PHF21A: variants seen among roughly 807,000 people sequenced by gnomAD.
The protein encoded by PHF21A is BHC80a.
PHF21A carries 11 observed loss-of-function variants against 82.5 expected under a neutral mutation model. The observed-to-expected ratio is 0.13, with a 90% CI of 0.08 to 0.22. PHF21A has a LOEUF of 0.22. Ranked by LOEUF, PHF21A falls within the 10% of genes least tolerant of loss-of-function variation. The pLI is 1.00. For missense variants in PHF21A, 579 were observed against 837.8 expected (o/e 0.69, Z 3.81); for synonymous variants, 297 against 302.8 (o/e 0.98, Z 0.20).
chr11:46,055,304 T>G (rs1341869834), intron 6 of PHF21A, among the ~76,000 whole-genome samples: 1 of 152,178 alleles, frequency 6.6e-6, no homozygotes, highest in African/African-American at 2.4e-5. Context: ...CTTGGTTTTT[T>G]AAAACTCATT....
chr11:46,021,061 TAA>T (rs757651374), intron 6 of PHF21A, among the ~76,000 whole-genome samples: 5 of 138,390 alleles, frequency 3.6e-5, no homozygotes, highest in African/African-American at 5.5e-5. Flanking sequence ...ATAGATTCTT[TAA>T]AAAAAAAAAA....
In PHF21A at chr11:45,932,431, G is replaced by C. The variant is rs1281910742; in HGVS notation, c.*1537C>G. The C allele has an allele frequency of 6.6e-6, 1 of 152,238 alleles. No individual in the cohort carries two copies. The highest frequency in any genetic ancestry group is 6.5e-5 in the Admixed American group (1 of 15,280). The allele number at this position is 152,238 out of a possible 1,614,324, so 9.4% of individuals were successfully genotyped here. On this transcript the variant is annotated 3_prime_UTR_variant, in exon 19 of 19. Transcript: ENST00000676320. This position sits in a 1 kb window ranked among gnomAD's most constrained non-coding sequence, Gnocchi z 4.3. Reference sequence around the variant, plus strand: ...AGAAGAGAGCACGGTCTTTTCTGAGGAGAGAGAAGGGTGGGGAGCTCCGCC... The same window carrying C: ...AGAAGAGAGCACGGTCTTTTCTGAGCAGAGAGAAGGGTGGGGAGCTCCGCC...
At chr11:45,955,995 A>G (rs1013384553) in intron 10 of PHF21A, among the ~76,000 whole-genome samples, 2 of 152,256 alleles carry the variant, frequency 1.3e-5, no homozygotes, top group African/African-American at 2.4e-5. Flanking sequence ...TAAGTTGCAG[A>G]CCAGAAGGAA....
chr11:45,947,019 C>A (rs1023653855), intron 14 of PHF21A, among the ~76,000 whole-genome samples: 2 of 152,234 alleles, frequency 1.3e-5, no homozygotes, highest in Non-Finnish European at 2.9e-5. Context: ...CTGTCTCCCC[C>A]ACTTTACATG....
At chr11:46,073,285 G>A (rs1256122907) in intron 6 of PHF21A, among the ~76,000 whole-genome samples, 2 of 150,158 alleles carry the variant, frequency 1.3e-5, no homozygotes, top group Non-Finnish European at 3.0e-5. Context: ...CCAAGACAGC[G>A]CCACTGCACT....
At chr11:45,971,859 G>T (rs1255342269) in intron 7 of PHF21A, among the ~76,000 whole-genome samples, 1 of 72,256 alleles carries the variant, frequency 1.4e-5, no homozygotes, top group Non-Finnish European at 3.2e-5. Flanking sequence ...AGACACAAAG[G>T]CTGGGGTAAA....
chr11:46,025,522 G>T (rs1342841650), intron 6 of PHF21A, among the ~76,000 whole-genome samples: 2 of 152,076 alleles, frequency 1.3e-5, no homozygotes, highest in African/African-American at 4.8e-5. Context: ...GACTACAAAA[G>T]AAAAATTCCT....
intron 6 of PHF21A, among the ~76,000 whole-genome samples, chr11:46,032,158 C>G (rs943254867): frequency 9.2e-5 from 14 of 152,158 alleles, no homozygotes; most frequent in African/African-American, 2.4e-5. Flanking sequence ...TAGTTAGGAT[C>G]ACCCTGCTAC....
At chr11:45,940,668 C>T (rs531524195) in intron 15 of PHF21A, among the ~76,000 whole-genome samples, 2 of 48,368 alleles carry the variant, frequency 4.1e-5, no homozygotes, top group African/African-American at 1.2e-4. Context: ...TAAAATCAGG[C>T]TGAGGGCTAC....
At chr11:46,056,736 T>C (rs927249844) in intron 6 of PHF21A, among the ~76,000 whole-genome samples, 1 of 152,144 alleles carries the variant, frequency 6.6e-6, no homozygotes, top group African/African-American at 2.4e-5. Context: ...TTATTTCACA[T>C]TTGCTGCTGC....
rs1047638330 is a variant in PHF21A, at chr11:45,931,896, G to A, written c.*2072C>T. On this transcript the variant is annotated 3_prime_UTR_variant, in exon 19 of 19. Transcript: ENST00000676320. ...CTTTCACAACCCTGGTTTTCTCAAG[G>A]AGAGGCCACAACCGGCCAAGCCGAG... 1 of 152,276 alleles carries A rather than the reference G, an allele frequency of 6.6e-6. No homozygotes were observed. Among genetic ancestry groups the A allele is most frequent in the Non-Finnish European group, 1.5e-5 (1 of 68,080 alleles). 9.4% of individuals were successfully genotyped at this position (152,276 alleles called of 1,614,324 possible).
At chr11:45,935,219 G>A (rs776435846) in intron 18 of PHF21A, 26 of 1,292,908 alleles carry the variant, frequency 2.0e-5, no homozygotes, top group South Asian at 4.9e-5. Flanking sequence ...AGGGAGGGCC[G>A]TACGGATGGG....
rs145926527 is a variant in PHF21A at position 46,099,208 on chromosome 11, CT to C, written c.-236-6986del. On this transcript the variant is annotated intron_variant, in intron 1 of 18. Coordinates refer to ENST00000676320, the MANE Select transcript of PHF21A (RefSeq NM_001352027.3). The stretch of plus-strand genomic sequence containing the variant: ...AAAAATTAAAGCACAGTAAACCCAA[CT>C]ATAGCCAGAAGCTTATCCAGAGAAA... Among the ~76,000 whole-genome samples the C allele has an allele frequency of 4.6e-5, 7 of 152,212 alleles. No individual in the cohort carries two copies. The East Asian group carries it at 1.4e-3, about 29-fold the overall frequency.
chr11:46,069,212 T>C (rs892137598), intron 6 of PHF21A, among the ~76,000 whole-genome samples: 22 of 152,316 alleles, frequency 1.4e-4, no homozygotes, highest in African/African-American at 3.8e-4. Flanking sequence ...CAGGAGAAAT[T>C]TGAAATATTA....
chr11:46,023,412 A>G lies in PHF21A; in HGVS notation c.154-43446T>C, dbSNP rs1214369298. Among the ~76,000 whole-genome samples the G allele has an allele frequency of 2.0e-5, 3 of 152,212 alleles. 1 individual carries two copies. Among genetic ancestry groups the G allele is most frequent in the Non-Finnish European group, 4.4e-5 (3 of 68,036 alleles). ...GGTAACATTTCGGAACCAGACTACCATTTGGGAAGTGCCAAAACCCATTTC... is the reference window on the plus strand; with the variant it reads ...GGTAACATTTCGGAACCAGACTACCGTTTGGGAAGTGCCAAAACCCATTTC... On this transcript the variant is annotated intron_variant, in intron 6 of 18. Coordinates refer to ENST00000676320, the MANE Select transcript of PHF21A (RefSeq NM_001352027.3).
chr11:46,028,396 A>C (rs2095795124), intron 6 of PHF21A, among the ~76,000 whole-genome samples: 1 of 152,114 alleles, frequency 6.6e-6, no homozygotes, highest in South Asian at 2.1e-4. Flanking sequence ...GAACTGGCTG[A>C]AGGTTTTATG....
At chr11:46,063,388 A>C (rs2096559075) in intron 6 of PHF21A, among the ~76,000 whole-genome samples, 1 of 152,238 alleles carries the variant, frequency 6.6e-6, no homozygotes, top group Admixed American at 6.5e-5. Flanking sequence ...AAAAATAACC[A>C]GATAGTAACT....
At chr11:45,982,600 T>C (rs1370288117) in intron 6 of PHF21A, among the ~76,000 whole-genome samples, 1 of 152,224 alleles carries the variant, frequency 6.6e-6, no homozygotes, top group East Asian at 1.9e-4. Context: ...ATGTTGAGAA[T>C]CTCATGTAAA....
chr11:45,993,221 C>A (rs2094778700), intron 6 of PHF21A, among the ~76,000 whole-genome samples: 1 of 152,114 alleles, frequency 6.6e-6, no homozygotes, highest in South Asian at 2.1e-4. Flanking sequence ...TCTGAGTAGA[C>A]CCTAAATGAA....
Sources: gnomAD v4.1 joint callset for allele counts (sites outside exome capture counted in the v4.1 genomes callset) on GRCh38, gnomAD v4.1.1 for gene constraint, Gnocchi (gnomAD v3.1) non-coding constraint, MANE v1.5 for transcripts, NCBI Gene and HGNC (gene_info 2026-07-23, HGNC 2026-07-21) for gene names.